Variants in CDK14 observed in about 807,000 individuals in gnomAD.
CDK14 encodes the protein cyclin-dependent kinase 14.
A neutral mutation model predicts 60.7 loss-of-function variants in CDK14; 34 were observed. The ratio of observed to expected loss-of-function variants is 0.56; its 90% CI spans 0.43 to 0.75. The LOEUF (loss-of-function observed/expected upper bound fraction) is 0.75, where lower values mean the gene tolerates loss of function less well. Ranked by LOEUF, CDK14 falls within the 30% of genes least tolerant of loss-of-function variation. The probability of loss-of-function intolerance (pLI) is 0.00; values close to 1 mark genes in which losing one functional copy is unlikely to be tolerated. For synonymous variants in CDK14, 197 were observed against 203.7 expected (o/e 0.97, Z 0.28); for missense variants, 482 against 564.1 (o/e 0.85, Z 1.47).
chr7:90,772,461 T>C (rs1804823394), intron 4 of CDK14, among the ~76,000 whole-genome samples: 1 of 152,214 alleles, frequency 6.6e-6, no homozygotes, highest in Non-Finnish European at 1.5e-5. Flanking sequence ...CTCCCAATGT[T>C]TGGGGAGGGA....
At chr7:90,761,639 C>G (rs953456035) in intron 4 of CDK14, among the ~76,000 whole-genome samples, 5 of 152,102 alleles carry the variant, frequency 3.3e-5, no homozygotes, top group Non-Finnish European at 7.4e-5. Context: ...TTGGCTTTCA[C>G]AACTTGAGGA....
At chr7:90,662,619 C>T (rs1259484615) in intron 2 of CDK14, among the ~76,000 whole-genome samples, 1 of 152,242 alleles carries the variant, frequency 6.6e-6, no homozygotes, top group Non-Finnish European at 1.5e-5. Context: ...TACTTCCTCA[C>T]AGAAATGCAA....
chr7:90,665,600 G>A (rs564885701), intron 2 of CDK14, among the ~76,000 whole-genome samples: 4 of 152,146 alleles, frequency 2.6e-5, no homozygotes, highest in African/African-American at 7.2e-5. Flanking sequence ...AAGTAATGAG[G>A]GGAAGTTCTT....
intron 6 of CDK14, among the ~76,000 whole-genome samples, chr7:90,881,230 C>T (rs1340659008): frequency 6.6e-6 from 1 of 152,040 alleles, no homozygotes; most frequent in African/African-American, 2.4e-5. Context: ...CTAAAATAAC[C>T]AGTTTAGGGA....
chr7:90,808,150 A>G (rs1348989381), intron 5 of CDK14, among the ~76,000 whole-genome samples: 1 of 152,198 alleles, frequency 6.6e-6, no homozygotes, highest in African/African-American at 2.4e-5. Flanking sequence ...AGCAACTCCA[A>G]GACACATAAT....
At chr7:91,089,598 T>C (rs1301957512) in intron 12 of CDK14, among the ~76,000 whole-genome samples, 1 of 151,416 alleles carries the variant, frequency 6.6e-6, no homozygotes, top group Non-Finnish European at 1.5e-5. Context: ...GGCAACTGTT[T>C]ATCTCCGTAA....
At chr7:91,016,413 A>G (rs1198824556) in intron 10 of CDK14, among the ~76,000 whole-genome samples, 2 of 152,196 alleles carry the variant, frequency 1.3e-5, no homozygotes, top group African/African-American at 2.4e-5. Flanking sequence ...ATGAAAAGCC[A>G]TCAAGCCATT....
chr7:91,018,717 G>A (rs1002698553), intron 10 of CDK14, among the ~76,000 whole-genome samples: 1 of 152,128 alleles, frequency 6.6e-6, no homozygotes, highest in Non-Finnish European at 1.5e-5. Context: ...GCAGCACCTC[G>A]CCCTTCTCTG....
Position 90,695,675 on chromosome 7 carries a change from T to C in CDK14, c.124-30892T>C, listed in dbSNP as rs191372521. Among the ~76,000 whole-genome samples, 41 of 151,808 alleles carry C rather than the reference T, an allele frequency of 2.7e-4. No individual in the cohort carries two copies. The East Asian group carries it at 7.9e-3, about 29-fold the overall frequency. ...GTTGATAAATGGTCAGGGAAGGCAT[T>C]TCTGAGAAGGTGACATGTGAGTGTA... On this transcript the variant is annotated intron_variant, in intron 2 of 14. Coordinates refer to ENST00000380050, the MANE Select transcript of CDK14 (RefSeq NM_001287135.2).
At chr7:91,015,714 T>G (rs1379189108) in intron 10 of CDK14, among the ~76,000 whole-genome samples, 1 of 151,292 alleles carries the variant, frequency 6.6e-6, no homozygotes, top group South Asian at 2.1e-4. Flanking sequence ...TTTTTTTTAG[T>G]AGAGATGGGG....
chr7:91,174,853 G>A lies in CDK14; in HGVS notation c.*29-32312G>A, dbSNP rs965835286. ...TGATTGGTGTACCTGAAAGTGATGT[G>A]GAGAATGGAACCAAGTTGGAAAACA... is the stretch of plus-strand genomic sequence containing the variant. On this transcript the variant is annotated intron_variant, in intron 14 of 14. Coordinates refer to ENST00000380050, the MANE Select transcript of CDK14 (RefSeq NM_001287135.2). Among the ~76,000 whole-genome samples, 4 of 102,634 alleles carry A rather than the reference G, an allele frequency of 3.9e-5. 1 individual carries two copies. The highest frequency in any genetic ancestry group is 5.7e-5 in the Non-Finnish European group (3 of 52,928). 67.3% of individuals were successfully genotyped at this position (102,634 alleles called of 152,430 possible).
chr7:90,766,499 A>G (rs1804569708), intron 4 of CDK14, among the ~76,000 whole-genome samples: 1 of 152,234 alleles, frequency 6.6e-6, no homozygotes, highest in Admixed American at 6.5e-5. Flanking sequence ...ACTGAGACCC[A>G]TAAAGTTTGA....
chr7:91,165,177 A>G (rs889576574), intron 14 of CDK14, among the ~76,000 whole-genome samples: 5 of 152,192 alleles, frequency 3.3e-5, no homozygotes, highest in Admixed American at 2.6e-4. Context: ...TATGCACAGT[A>G]GTAACTAACA....
chr7:90,728,142 G>C (rs1225124876), intron 3 of CDK14, among the ~76,000 whole-genome samples: 1 of 151,890 alleles, frequency 6.6e-6, no homozygotes, highest in Non-Finnish European at 1.5e-5. Flanking sequence ...AGACTATTCT[G>C]GTTTCCCAGT....
In CDK14 at chr7:91,208,272, A is replaced by G. The variant is rs1802963872; in HGVS notation, c.*1136A>G. On this transcript the variant is annotated 3_prime_UTR_variant, in exon 15 of 15. Coordinates refer to ENST00000380050, the MANE Select transcript of CDK14 (RefSeq NM_001287135.2). ...AAACAATGCAGGAATCTTGCTTTAA[A>G]GATGAAAAAGGGAATGGGCCAGCTT... 1 of 152,682 alleles carries G rather than the reference A, an allele frequency of 6.5e-6. No individual in the cohort carries two copies. Among genetic ancestry groups the G allele is most frequent in the Non-Finnish European group, 1.5e-5 (1 of 68,058 alleles). 9.5% of individuals were successfully genotyped at this position (152,682 alleles called of 1,614,324 possible).
intron 14 of CDK14, among the ~76,000 whole-genome samples, chr7:91,202,143 G>A (rs554422539): frequency 6.6e-6 from 1 of 152,246 alleles, no homozygotes; most frequent in East Asian, 1.9e-4. Flanking sequence ...CTGACAGTTG[G>A]TTTTAAGAAA....
At chr7:91,079,065 C>T (rs1158519994) in intron 11 of CDK14, among the ~76,000 whole-genome samples, 1 of 152,120 alleles carries the variant, frequency 6.6e-6, no homozygotes, top group Non-Finnish European at 1.5e-5. Context: ...AGGAAAAAAA[C>T]AGCAAGTCTC....
intron 10 of CDK14, among the ~76,000 whole-genome samples, chr7:91,004,238 A>G (rs1035702112): frequency 1.3e-5 from 2 of 152,214 alleles, no homozygotes; most frequent in Admixed American, 6.5e-5. Flanking sequence ...TTTTGAAATG[A>G]TTAGTAAGTG....
intron 2 of CDK14, among the ~76,000 whole-genome samples, chr7:90,719,022 T>G (rs1470519696): frequency 6.6e-6 from 1 of 152,140 alleles, no homozygotes; most frequent in Non-Finnish European, 1.5e-5. Flanking sequence ...GCTCAAAAAC[T>G]TATAAATGAC....
Sources: gnomAD v4.1 joint callset for allele counts (sites outside exome capture counted in the v4.1 genomes callset) on GRCh38, gnomAD v4.1.1 for gene constraint, MANE v1.5 for transcripts, NCBI Gene and HGNC (gene_info 2026-07-23, HGNC 2026-07-21) for gene names.